PELI2: variants seen among roughly 807,000 people sequenced by gnomAD.
PELI2 encodes E3 ubiquitin-protein ligase pellino homolog 2.
Under a neutral mutation model 42.3 loss-of-function variants are expected in PELI2, and 23 were observed. The observed-to-expected ratio is 0.54, with a 90% CI of 0.39 to 0.77. The LOEUF is 0.77. Among genes scored for constraint, PELI2 ranks in the 30% least tolerant of loss-of-function variants. PELI2 has a pLI of 0.00. For synonymous variants in PELI2, 245 were observed against 212.2 expected (o/e 1.15, Z -1.34); for missense variants, 463 against 553.2 (o/e 0.84, Z 1.64).
intron 1 of PELI2, among the ~76,000 whole-genome samples, chr14:56,168,052 A>G (rs1885026046): frequency 6.6e-6 from 1 of 152,202 alleles, no homozygotes; most frequent in South Asian, 2.1e-4. Flanking sequence ...GAGCCACCTA[A>G]CGCTGGGGGT....
intron 2 of PELI2, among the ~76,000 whole-genome samples, chr14:56,236,731 C>T (rs977277224): frequency 1.3e-5 from 2 of 152,146 alleles, no homozygotes; most frequent in East Asian, 3.9e-4. Flanking sequence ...CACCACCCTC[C>T]CCTTCCCTGG....
chr14:56,121,119 G>T (rs1344787343), intron 1 of PELI2, among the ~76,000 whole-genome samples: 1 of 152,012 alleles, frequency 6.6e-6, no homozygotes, highest in South Asian at 2.1e-4. Context: ...GTCCTCTGGG[G>T]TATAAATATT....
intron 1 of PELI2, among the ~76,000 whole-genome samples, chr14:56,128,470 T>A (rs750198158): frequency 1.3e-5 from 2 of 152,216 alleles, no homozygotes; most frequent in Non-Finnish European, 2.9e-5. Context: ...GATTAGAAGG[T>A]AGGTCCTTGT....
chr14:56,158,750 T>C (rs1462851671), intron 1 of PELI2, among the ~76,000 whole-genome samples: 1 of 152,352 alleles, frequency 6.6e-6, no homozygotes, highest in African/African-American at 2.4e-5. Flanking sequence ...AAAATTTTCC[T>C]AATTATTTTG....
At chr14:56,194,869 C>T (rs967488519) in intron 2 of PELI2, among the ~76,000 whole-genome samples, 2 of 152,102 alleles carry the variant, frequency 1.3e-5, no homozygotes, top group African/African-American at 4.8e-5. Flanking sequence ...AAGATTAGTA[C>T]ATTTAGGATC....
chr14:56,200,714 A>G (rs191892337), intron 2 of PELI2, among the ~76,000 whole-genome samples: 1 of 152,344 alleles, frequency 6.6e-6, no homozygotes, highest in East Asian at 1.9e-4. Context: ...TTTTTAAGTA[A>G]CTGAATTCCT....
In PELI2 at chr14:56,249,576, A is replaced by G. The variant is rs532702508; in HGVS notation, c.208-30100A>G. ...GTCCCATGTGAGTATCTAAGGGACA[A>G]GAACTGTTCTTTGTAACCCCAGTAC... On this transcript the variant is annotated intron_variant, in intron 2 of 5. Transcript: ENST00000267460. Among the ~76,000 whole-genome samples the G allele has an allele frequency of 1.4e-4, 22 of 152,324 alleles. No individual in the cohort carries two copies. In the South Asian group the frequency reaches 2.1e-3, roughly 14 times the overall value.
intron 2 of PELI2, among the ~76,000 whole-genome samples, chr14:56,187,989 C>T (rs1285175086): frequency 6.6e-6 from 1 of 152,192 alleles, no homozygotes; most frequent in Non-Finnish European, 1.5e-5. Flanking sequence ...CCAGGATGAT[C>T]TTCAGCCTGG....
intron 2 of PELI2, among the ~76,000 whole-genome samples, chr14:56,270,896 T>C (rs1889081746): frequency 6.6e-6 from 1 of 152,256 alleles, no homozygotes; most frequent in South Asian, 2.1e-4. Context: ...ATCTCTGCAG[T>C]ATCTACATGT....
chr14:56,125,514 C>T (rs1191591505), intron 1 of PELI2, among the ~76,000 whole-genome samples: 1 of 152,016 alleles, frequency 6.6e-6, no homozygotes, highest in Non-Finnish European at 1.5e-5. Context: ...AGAAAATAGT[C>T]CTGTGTCCTT....
chr14:56,256,863 G>T (rs77161625), intron 2 of PELI2, among the ~76,000 whole-genome samples: 3 of 152,154 alleles, frequency 2.0e-5, no homozygotes, highest in Admixed American at 1.3e-4. Context: ...AGGCTTCAGC[G>T]TGTAGGCTTC....
chr14:56,121,902 A>G (rs553210572), intron 1 of PELI2, among the ~76,000 whole-genome samples: 5 of 152,240 alleles, frequency 3.3e-5, no homozygotes, highest in African/African-American at 7.2e-5. Flanking sequence ...GAAAAGATCA[A>G]TGCTGTGGTT....
chr14:56,211,580 A>G (rs961541263), intron 2 of PELI2, among the ~76,000 whole-genome samples: 1 of 152,232 alleles, frequency 6.6e-6, no homozygotes, highest in Non-Finnish European at 1.5e-5. Context: ...AGCTCTAGTC[A>G]TAGTACTTGT....
chr14:56,266,717 TTTGA>T lies in PELI2; in HGVS notation c.208-12954_208-12951del, dbSNP rs759864732. On this transcript the variant is annotated intron_variant, in intron 2 of 5. Coordinates refer to ENST00000267460, the MANE Select transcript of PELI2 (RefSeq NM_021255.3). ...TCAGAAGTGGACATACCATGTACCA[TTTGA>T]TTGAACAATTTTGTTTCTAGGAATT... 1.4e-4 allele frequency among the ~76,000 whole-genome samples: 21 copies of T among 152,156 alleles called. 1 individual carries two copies. The highest frequency in any genetic ancestry group is 8.5e-4 in the Admixed American group (13 of 15,290).
chr14:56,249,320 T>C (rs1453624037), intron 2 of PELI2, among the ~76,000 whole-genome samples: 1 of 152,164 alleles, frequency 6.6e-6, no homozygotes, highest in East Asian at 1.9e-4. Flanking sequence ...TAACATCCTT[T>C]ACATATATCA....
intron 2 of PELI2, among the ~76,000 whole-genome samples, chr14:56,256,919 G>A (rs1474079602): frequency 6.6e-6 from 1 of 152,162 alleles, no homozygotes; most frequent in Non-Finnish European, 1.5e-5. Context: ...GTTGCCAGCT[G>A]TCTAACTAGC....
intron 1 of PELI2, among the ~76,000 whole-genome samples, chr14:56,123,830 A>G (rs1210265283): frequency 1.3e-5 from 2 of 152,350 alleles, no homozygotes; most frequent in Non-Finnish European, 2.9e-5. Context: ...AGCCGTTGCT[A>G]TATTTGAGGA....
At chr14:56,158,216 C>T (rs750144117) in intron 1 of PELI2, among the ~76,000 whole-genome samples, 16 of 151,902 alleles carry the variant, frequency 1.1e-4, no homozygotes, top group Non-Finnish European at 1.9e-4. Context: ...TTAGTAGAGA[C>T]GGGGTTTCAT....
At chr14:56,212,977 G>A (rs939621355) in intron 2 of PELI2, among the ~76,000 whole-genome samples, 22 of 152,194 alleles carry the variant, frequency 1.4e-4, no homozygotes, top group East Asian at 3.8e-4. Flanking sequence ...TAGTCCACAC[G>A]TGCAGTTCGT....
Sources: gnomAD v4.1 joint callset for allele counts (sites outside exome capture counted in the v4.1 genomes callset) on GRCh38, gnomAD v4.1.1 for gene constraint, MANE v1.5 for transcripts, NCBI Gene and HGNC (gene_info 2026-07-23, HGNC 2026-07-21) for gene names.